The following RICTOR variants were observed in gnomAD, a reference collection of about 807,000 sequenced individuals.
The protein encoded by RICTOR is RPTOR independent companion of MTOR complex 2.
RICTOR carries 49 observed loss-of-function variants against 214.9 expected under a neutral mutation model. The observed-to-expected ratio is 0.23, with a 90% CI of 0.18 to 0.29. The LOEUF (loss-of-function observed/expected upper bound fraction) is 0.29. RICTOR is among the 10% of genes least tolerant of loss of function. The probability of loss-of-function intolerance (pLI) is 1.00; values close to 1 mark genes in which losing one functional copy is unlikely to be tolerated. For missense variants in RICTOR, 1,625 were observed against 2,047.0 expected, an observed-to-expected ratio of 0.79 and a Z score of 3.98; for synonymous variants, 717 against 711.3, an observed-to-expected ratio of 1.01 and a Z score of -0.13.
intron 10 of RICTOR, among the ~76,000 whole-genome samples, chr5:38,974,135 C>T (rs528800717): frequency 1.3e-4 from 20 of 151,886 alleles, no homozygotes; most frequent in East Asian, 5.8e-4. Flanking sequence ...CTGCAACCTC[C>T]GCCTCCTGGG....
intron 6 of RICTOR, among the ~76,000 whole-genome samples, chr5:38,994,421 A>AC (rs1753018546): frequency 5.7e-5 from 1 of 17,698 alleles, no homozygotes; most frequent in Non-Finnish European, 1.1e-4. Context: ...GGTTTTACTA[A>AC]AAAAAAAAAA....
At chr5:39,066,545 T>A (rs2150214891) in intron 2 of RICTOR, among the ~76,000 whole-genome samples, 1 of 152,368 alleles carries the variant, frequency 6.6e-6, no homozygotes, top group African/African-American at 2.4e-5. Context: ...ATTCCTCCCC[T>A]GAAAAAGCTT....
chr5:38,945,953 T>C (rs1748144919), intron 33 of RICTOR, among the ~76,000 whole-genome samples: 1 of 152,186 alleles, frequency 6.6e-6, no homozygotes, highest in Non-Finnish European at 1.5e-5. Context: ...TGAGATTATA[T>C]AATACATCAT....
intron 3 of RICTOR, among the ~76,000 whole-genome samples, chr5:39,012,714 T>C (rs79022388): frequency 0.039 from 5,900 of 152,246 alleles, 297 homozygotes; most frequent in East Asian, 0.27. Context: ...TTGACTATGT[T>C]TAGAAATTGT....
chr5:38,971,547 A>ATT (rs10676528), intron 11 of RICTOR: 3,059 of 142,764 alleles, frequency 0.021, 70 homozygotes, highest in Admixed American at 0.033. Flanking sequence ...TAATTTTTGT[A>ATT]TTTTTTTTTT....
rs2112785017 is a variant in RICTOR at position 38,942,896 on chromosome 5, G to A, written c.4989C>T (p.Cys1663=). Residue 1663 remains cysteine, a synonymous_variant, in exon 37 of 38, where the codon TGC becomes TGT. Coordinates refer to ENST00000357387, the MANE Select transcript of RICTOR (RefSeq NM_152756.5). ...ACCTCCGACACGGAAGTCTGAATGT[G>A]CAGTGTGACAGCAAATGGGAAACCT... ...YSEVSHLLSH[C]TFRLPCRRFI... 1.9e-6 allele frequency: 3 copies of A among 1,609,016 alleles called. No homozygotes were observed.
At chr5:39,037,391 C>A (rs1456389743) in intron 2 of RICTOR, among the ~76,000 whole-genome samples, 2 of 151,970 alleles carry the variant, frequency 1.3e-5, no homozygotes, top group Admixed American at 6.6e-5. Flanking sequence ...GACACCCTAA[C>A]ATCACAATTA....
In RICTOR at chr5:38,940,839, C is replaced by A. The variant is rs1380208574; in HGVS notation, c.*1465G>T. The A allele has an allele frequency of 4.3e-6, 1 of 232,052 alleles. No individual in the cohort carries two copies. Among genetic ancestry groups the A allele is most frequent in the East Asian group, 6.1e-5 (1 of 16,330 alleles). 14.4% of individuals were successfully genotyped at this position (232,052 alleles called of 1,614,324 possible). On this transcript the variant is annotated 3_prime_UTR_variant, in exon 38 of 38. Coordinates refer to ENST00000357387, the MANE Select transcript of RICTOR (RefSeq NM_152756.5). ...GGTTCTTTACAGAGATCTCAAAGAA[C>A]AAGCCCATTACAAAAAGGATCTGCA...
chr5:38,943,167 T>TTTA (rs1554058623), intron 36 of RICTOR, 196 bp from the exon 37 acceptor site: 51 of 415,390 alleles, frequency 1.2e-4, no homozygotes, highest in East Asian at 5.7e-4. Context: ...GGTTTTTTTT[T>TTTA]AAAAAAAATG....
chr5:39,006,350 G>A (rs929929104), intron 3 of RICTOR, among the ~76,000 whole-genome samples: 1 of 152,058 alleles, frequency 6.6e-6, no homozygotes, highest in African/African-American at 2.4e-5. Context: ...GTTTAATCTA[G>A]ATATGAGTCT....
chr5:39,046,394 G>C (rs1757503756), intron 2 of RICTOR, among the ~76,000 whole-genome samples: 1 of 145,984 alleles, frequency 6.9e-6, no homozygotes, highest in African/African-American at 2.5e-5. Context: ...AAAAAAAGAA[G>C]AAGAATAAAT....
At position 38,959,438 on chromosome 5, in the gene RICTOR, T is replaced by C. The variant is rs1367366756; in HGVS notation, c.2052-117A>G. ...TAAATGACAAATAAAAATTGTATTA[T>C]TCAAAGTGTATAACTTGATTTGATA... On this transcript the variant is annotated intron_variant, in intron 21 of 37. Transcript: ENST00000357387. 16 of 662,266 alleles carry C rather than the reference T, an allele frequency of 2.4e-5. No individual in the cohort carries two copies. In the Admixed American group the frequency reaches 5.2e-4, roughly 21 times the overall value. 41.0% of individuals were successfully genotyped at this position (662,266 alleles called of 1,614,324 possible).
In RICTOR at chr5:38,958,740, G is replaced by T; in HGVS notation, c.2270C>A (p.Thr757Asn). The change falls in exon 23 of 38, where the codon ACC (threonine) becomes AAC (asparagine). Residue 757 changes from threonine (T) to asparagine (N), a missense_variant. By Grantham distance (65) the Thr-to-Asn change is moderately conservative. Around this residue, in one of 5 missense-constraint regions of RICTOR, gnomAD observed 1,214 missense variants for 1,470.5 expected, o/e 0.83. Coordinates refer to ENST00000357387, the MANE Select transcript of RICTOR (RefSeq NM_152756.5). Reference protein sequence around the residue: ...FNNWGIELLVTQLHDKNKTIS... With the variant: ...FNNWGIELLVNQLHDKNKTIS... ...CGTTTTGTTTTTATCATGTAGCTGG[G>T]TCACTAACAACTCAATTCCCCAATT... The T allele has an allele frequency of 1.2e-6, 2 of 1,611,178 alleles. No homozygotes were observed. The highest frequency in any genetic ancestry group is 2.2e-5 in the East Asian group (1 of 44,752).
intron 7 of RICTOR, among the ~76,000 whole-genome samples, chr5:38,990,496 A>G (rs997586627): frequency 6.6e-6 from 1 of 150,730 alleles, no homozygotes. Flanking sequence ...AAAAAAATAC[A>G]TATATACGAT....
At chr5:38,969,055 C>T (rs1473376283) in intron 11 of RICTOR, among the ~76,000 whole-genome samples, 3 of 150,770 alleles carry the variant, frequency 2.0e-5, no homozygotes, top group African/African-American at 4.9e-5. Context: ...CTGTAACCTC[C>T]ACCTCCCGGG....
chr5:39,061,185 T>A (rs561223377), intron 2 of RICTOR, among the ~76,000 whole-genome samples: 1 of 152,148 alleles, frequency 6.6e-6, no homozygotes, highest in Admixed American at 6.5e-5. Flanking sequence ...AAGAGAAGGG[T>A]AACCAAATCT....
At chr5:39,065,264 G>C (rs550357740) in intron 2 of RICTOR, among the ~76,000 whole-genome samples, 1 of 152,236 alleles carries the variant, frequency 6.6e-6, no homozygotes, top group South Asian at 2.1e-4. Context: ...AGGGAGCTGG[G>C]GGGAAGGAGC....
intron 36 of RICTOR, 112 bp from the exon 37 acceptor site, chr5:38,943,083 G>T: frequency 1.5e-6 from 1 of 651,758 alleles, no homozygotes. Context: ...GGATTAGATG[G>T]CATACTTGGG....
At chr5:39,025,366 CCTAGACCAGGG>C (rs1397686364) in intron 2 of RICTOR, among the ~76,000 whole-genome samples, 2 of 152,184 alleles carry the variant, frequency 1.3e-5, no homozygotes, top group Non-Finnish European at 2.9e-5. Context: ...TTCTTCTTTA[CCTAGACCAGGG>C]CTAGACCAGG....
Sources: allele counts gnomAD v4.1 joint callset (sites outside exome capture counted in the v4.1 genomes callset), GRCh38; gene constraint gnomAD v4.1.1; regional missense constraint gnomAD v4.1.1; transcripts MANE v1.5; gene names NCBI Gene and HGNC (gene_info 2026-07-23, HGNC 2026-07-21).